The following MIPOL1 variants were observed in gnomAD, a reference collection of about 807,000 sequenced individuals.
MIPOL1 encodes mirror-image polydactyly 1, also known as mirror-image polydactyly gene 1 protein.
In MIPOL1, 57 loss-of-function variants were observed where a neutral mutation model predicts 60.9. The observed-to-expected ratio is 0.94, with a 90% confidence interval of 0.76 to 1.17. The LOEUF is 1.17. Ranked by LOEUF, MIPOL1 falls within the 50% of genes most tolerant of loss-of-function variation. MIPOL1 has a pLI of 0.00. For missense variants in MIPOL1, 551 were observed against 511.6 expected (o/e 1.08, Z -0.74); for synonymous variants, 179 against 168.8 (o/e 1.06, Z -0.47).
rs373500285 is a variant in MIPOL1 at position 37,264,891 on chromosome 14, C to T, written c.20-2047C>T. ...CTCATTTCTTCTCTCCATTTTCTGCCATTTTTCTGGATGACTTCAATGCCT... is the reference window on the plus strand; with the variant it reads ...CTCATTTCTTCTCTCCATTTTCTGCTATTTTTCTGGATGACTTCAATGCCT... On this transcript the variant is annotated intron_variant, in intron 3 of 12. Transcript: ENST00000684589. 7.2e-4 allele frequency among the ~76,000 whole-genome samples: 110 copies of T among 152,242 alleles called. 3 individuals carry two copies. The South Asian group carries it at 0.021, about 30-fold the overall frequency.
At chr14:37,235,135 G>GC (rs988867059) in intron 1 of MIPOL1, among the ~76,000 whole-genome samples, 1 of 151,788 alleles carries the variant, frequency 6.6e-6, no homozygotes, top group Non-Finnish European at 1.5e-5. Context: ...TTTTCATGAT[G>GC]CCCTTAGTGT....
At chr14:37,419,654 C>T (rs2093835387) in intron 10 of MIPOL1, among the ~76,000 whole-genome samples, 1 of 151,840 alleles carries the variant, frequency 6.6e-6, no homozygotes, top group South Asian at 2.1e-4. Context: ...ATAATGAACC[C>T]AAATTCATAG....
At chr14:37,228,568 T>A (rs1970139705) in intron 1 of MIPOL1, among the ~76,000 whole-genome samples, 1 of 152,172 alleles carries the variant, frequency 6.6e-6, no homozygotes, top group Non-Finnish European at 1.5e-5. Flanking sequence ...GATGGCACCA[T>A]GACCCAGAGA....
Position 37,545,770 on chromosome 14 carries a change from A to G in MIPOL1, c.1263-1135A>G, listed in dbSNP as rs2095545110. The G allele has an allele frequency of 2.1e-5, 12 of 567,084 alleles. No individual in the cohort carries two copies. In the South Asian group the frequency reaches 2.6e-4, roughly 12 times the overall value. The allele number at this position is 567,084 out of a possible 1,614,324, so 35.1% of individuals were successfully genotyped here. ...GTGGAACTTCCAAATCATCTAAACCAGCTTTGTATGACACTAAGAATACCC... is the reference window on the plus strand; with the variant it reads ...GTGGAACTTCCAAATCATCTAAACCGGCTTTGTATGACACTAAGAATACCC... On this transcript the variant is annotated intron_variant, in intron 12 of 12. Coordinates refer to ENST00000684589, the MANE Select transcript of MIPOL1 (RefSeq NM_001388067.1).
At chr14:37,407,828 T>C (rs1057136542) in intron 10 of MIPOL1, among the ~76,000 whole-genome samples, 16 of 144,318 alleles carry the variant, frequency 1.1e-4, no homozygotes, top group African/African-American at 3.6e-4. Flanking sequence ...TTTTTTCTTT[T>C]CTTTCTTCTT....
intron 11 of MIPOL1, among the ~76,000 whole-genome samples, chr14:37,451,060 A>G (rs1476800386): frequency 1.3e-5 from 2 of 152,182 alleles, no homozygotes. Flanking sequence ...ATAGTTTTTA[A>G]TAGGAATATT....
At chr14:37,359,141 T>C (rs1236791681) in intron 9 of MIPOL1, among the ~76,000 whole-genome samples, 2 of 152,170 alleles carry the variant, frequency 1.3e-5, no homozygotes, top group South Asian at 4.1e-4. Flanking sequence ...ACCAAATGGT[T>C]GTAGGTGTGT....
At chr14:37,545,752 T>G (rs2095545018) in intron 12 of MIPOL1, 1 of 587,312 alleles carries the variant, frequency 1.7e-6, no homozygotes, top group Non-Finnish European at 3.0e-6. Flanking sequence ...TCAGTGGAAC[T>G]TCCAAATCAT....
chr14:37,344,481 G>A (rs1408886546), intron 9 of MIPOL1, among the ~76,000 whole-genome samples: 1 of 151,256 alleles, frequency 6.6e-6, no homozygotes, highest in East Asian at 1.9e-4. Context: ...GAGACTTAAC[G>A]AGATTTAGAT....
chr14:37,535,679 A>G (rs531507662), intron 12 of MIPOL1, among the ~76,000 whole-genome samples: 3 of 152,318 alleles, frequency 2.0e-5, no homozygotes, highest in East Asian at 1.9e-4. Context: ...CATATGATAT[A>G]TATCTACAGT....
rs1964600039 is a variant in MIPOL1 at position 37,197,950 on chromosome 14, C to T, written c.-353C>T. On this transcript the variant is annotated 5_prime_UTR_variant, in exon 1 of 13. Transcript: ENST00000684589. The stretch of plus-strand genomic sequence containing the variant: ...CCGCCGCCCCGTAGGCCCCACGCGC[C>T]GCCCCGCTCCTCCGCCGGATCGTCT... 6.6e-6 allele frequency: 1 copy of T among 152,162 alleles called. No individual in the cohort carries two copies. Among genetic ancestry groups the T allele is most frequent in the Non-Finnish European group, 1.5e-5 (1 of 68,082 alleles). The allele number at this position is 152,162 out of a possible 1,614,324, so 9.4% of individuals were successfully genotyped here. A position where few individuals can be genotyped will look rare whatever the true frequency, so the allele number is the denominator to read the frequency against.
intron 1 of MIPOL1, among the ~76,000 whole-genome samples, chr14:37,203,365 G>T (rs997837054): frequency 6.6e-6 from 1 of 152,148 alleles, no homozygotes; most frequent in African/African-American, 2.4e-5. Flanking sequence ...TCAAAAGACT[G>T]CCAAGAGACC....
intron 11 of MIPOL1, among the ~76,000 whole-genome samples, chr14:37,450,275 T>G (rs896006650): frequency 3.9e-5 from 6 of 152,300 alleles, no homozygotes; most frequent in African/African-American, 1.2e-4. Context: ...ACAGTTTTCA[T>G]CCTAGGATTT....
At chr14:37,458,598 C>T in intron 11 of MIPOL1, among the ~76,000 whole-genome samples, 1 of 151,912 alleles carries the variant, frequency 6.6e-6, no homozygotes. Context: ...GTGAGAGGAT[C>T]ACTTGAAGTC....
chr14:37,454,227 T>C (rs1357288903), intron 11 of MIPOL1, among the ~76,000 whole-genome samples: 3 of 152,184 alleles, frequency 2.0e-5, no homozygotes, highest in Non-Finnish European at 2.9e-5. Flanking sequence ...TGCTCATGGC[T>C]CCAGATTCCT....
chr14:37,477,716 A>T (rs948909874), intron 11 of MIPOL1, among the ~76,000 whole-genome samples: 1 of 152,162 alleles, frequency 6.6e-6, no homozygotes. Context: ...TCAAGAGAAA[A>T]AGACCCTCCC....
At chr14:37,468,375 C>G (rs1477572319) in intron 11 of MIPOL1, among the ~76,000 whole-genome samples, 1 of 152,158 alleles carries the variant, frequency 6.6e-6, no homozygotes, top group Non-Finnish European at 1.5e-5. Context: ...ACATCCCCTT[C>G]CAGGATACAT....
Position 37,358,538 on chromosome 14 carries a change from G to A in MIPOL1, c.829-10979G>A, listed in dbSNP as rs575091803. Among the ~76,000 whole-genome samples the A allele has an allele frequency of 3.9e-5, 6 of 152,296 alleles. No homozygotes were observed. The South Asian group carries it at 1.2e-3, about 32-fold the overall frequency. ...TTTAATCATTGCCATTCTAACTGGT[G>A]TGAGATGGTATCTCATTGTGGTTTT... On this transcript the variant is annotated intron_variant, in intron 9 of 12. Transcript: ENST00000684589.
intron 1 of MIPOL1, among the ~76,000 whole-genome samples, chr14:37,218,969 T>C (rs1968273810): frequency 1.4e-5 from 2 of 145,138 alleles, no homozygotes; most frequent in South Asian, 4.5e-4. Flanking sequence ...AGCTAGGTAA[T>C]ATTAATAGTA....
Sources: gnomAD v4.1 joint callset for allele counts (sites outside exome capture counted in the v4.1 genomes callset) on GRCh38, gnomAD v4.1.1 for gene constraint, MANE v1.5 for transcripts, NCBI Gene and HGNC (gene_info 2026-07-23, HGNC 2026-07-21) for gene names.